Variants in ADGRL3 observed in about 807,000 individuals in gnomAD.
ADGRL3 encodes the protein adhesion G protein-coupled receptor L3.
Under a neutral mutation model 153.5 loss-of-function variants are expected in ADGRL3, and 62 were observed. The observed-to-expected ratio is 0.40, with a 90% CI of 0.33 to 0.50. The LOEUF is 0.50. Among genes scored for constraint, ADGRL3 ranks in the 20% least tolerant of loss-of-function variants. The pLI, the probability that ADGRL3 is intolerant of heterozygous loss-of-function variation, is 0.47. For missense variants in ADGRL3, 1,641 were observed against 1,859.4 expected (o/e 0.88, Z 2.16); for synonymous variants, 710 against 672.5 (o/e 1.06, Z -0.86).
At chr4:61,749,060 G>C (rs1474913905) in intron 8 of ADGRL3, among the ~76,000 whole-genome samples, 3 of 151,702 alleles carry the variant, frequency 2.0e-5, no homozygotes, top group Non-Finnish European at 1.5e-5. Flanking sequence ...GACATGAACA[G>C]ACACTTCTCA....
At chr4:61,325,051 T>C (rs778484460) in intron 1 of ADGRL3, among the ~76,000 whole-genome samples, 13 of 152,172 alleles carry the variant, frequency 8.5e-5, no homozygotes, top group Non-Finnish European at 1.5e-4. Flanking sequence ...CAGTGGCTCA[T>C]GCCTATAATC....
intron 2 of ADGRL3, among the ~76,000 whole-genome samples, chr4:61,493,850 G>C (rs2098282834): frequency 6.6e-6 from 1 of 152,162 alleles, no homozygotes; most frequent in African/African-American, 2.4e-5. Context: ...TTGTGCCATA[G>C]AGGAAAGAGC....
intron 8 of ADGRL3, among the ~76,000 whole-genome samples, chr4:61,813,420 G>T (rs1178676198): frequency 2.6e-5 from 4 of 151,882 alleles, no homozygotes; most frequent in African/African-American, 9.7e-5. Context: ...AAATAAGAAA[G>T]AAATATTTAC....
chr4:61,753,929 G>A (rs2096788313), intron 8 of ADGRL3, among the ~76,000 whole-genome samples: 1 of 152,128 alleles, frequency 6.6e-6, no homozygotes, highest in Non-Finnish European at 1.5e-5. Flanking sequence ...CCAAGCCAAT[G>A]GACTTGCCAT....
intron 8 of ADGRL3, among the ~76,000 whole-genome samples, chr4:61,756,637 C>A (rs2096834949): frequency 6.6e-6 from 1 of 152,134 alleles, no homozygotes; most frequent in South Asian, 2.1e-4. Context: ...ATTGCCCTGG[C>A]CAGAACTTCC....
At chr4:61,385,778 T>G (rs1340210107) in intron 2 of ADGRL3, 1 of 152,212 alleles carries the variant, frequency 6.6e-6, no homozygotes, top group African/African-American at 2.4e-5. Flanking sequence ...CCAAATAAAC[T>G]ATTATATATT....
intron 9 of ADGRL3, among the ~76,000 whole-genome samples, chr4:61,830,242 A>G (rs1453004345): frequency 6.6e-6 from 1 of 152,012 alleles, no homozygotes; most frequent in Non-Finnish European, 1.5e-5. Context: ...TTTCTTTAAA[A>G]TTAGCCTAGC....
intron 9 of ADGRL3, among the ~76,000 whole-genome samples, chr4:61,859,355 C>G (rs1311601306): frequency 1.3e-5 from 2 of 151,950 alleles, no homozygotes; most frequent in African/African-American, 2.4e-5. Context: ...ATTTGCAAAT[C>G]AAGTAATAAT....
chr4:61,586,049 T>A (rs2098945328), intron 4 of ADGRL3, among the ~76,000 whole-genome samples: 1 of 152,008 alleles, frequency 6.6e-6, no homozygotes, highest in African/African-American at 2.4e-5. Flanking sequence ...GTAGTACAAG[T>A]TAAAGATATT....
intron 10 of ADGRL3, among the ~76,000 whole-genome samples, chr4:61,894,901 C>G (rs1029667590): frequency 1.1e-4 from 17 of 152,066 alleles, no homozygotes; most frequent in African/African-American, 4.1e-4. Context: ...TTTCCGGCAC[C>G]CACAAATGAT....
chr4:61,689,833 A>G (rs1404517704), intron 6 of ADGRL3, among the ~76,000 whole-genome samples: 1 of 152,106 alleles, frequency 6.6e-6, no homozygotes, highest in Non-Finnish European at 1.5e-5. Flanking sequence ...TCTCAATATT[A>G]TAAAAGAATA....
rs1447788052 is a variant in ADGRL3 at position 61,823,095 on chromosome 4, C to T, written c.1480+9206C>T. On this transcript the variant is annotated intron_variant, in intron 9 of 26. Transcript: ENST00000683033. ...TCAGGCTCAGTTCTCTCAACTTCAC[C>T]TCTCCCCAAATCCCATGCGGAGATT... Among the ~76,000 whole-genome samples the T allele has an allele frequency of 2.0e-5, 3 of 152,158 alleles. No homozygotes were observed. The East Asian group carries it at 5.8e-4, about 29-fold the overall frequency.
chr4:61,646,218 C>G (rs1048462656), intron 5 of ADGRL3, among the ~76,000 whole-genome samples: 8 of 152,062 alleles, frequency 5.3e-5, no homozygotes, highest in Non-Finnish European at 1.2e-4. Context: ...AACTTCTTTG[C>G]CTTTGGTTTG....
chr4:61,856,996 CTT>C (rs1561368287), intron 9 of ADGRL3, among the ~76,000 whole-genome samples: 4,134 of 125,002 alleles, frequency 0.033, 149 homozygotes, highest in African/African-American at 0.058. Context: ...TTCTTTCTTT[CTT>C]TCTTTCTTTC....
At chr4:61,451,230 A>G (rs942926006) in intron 2 of ADGRL3, among the ~76,000 whole-genome samples, 69 of 152,296 alleles carry the variant, frequency 4.5e-4, no homozygotes, top group African/African-American at 1.6e-3. Context: ...AAGAATTGTT[A>G]CTGTGATAAT....
intron 11 of ADGRL3, among the ~76,000 whole-genome samples, chr4:61,897,459 CA>C (rs2098638248): frequency 6.6e-6 from 1 of 152,134 alleles, no homozygotes; most frequent in South Asian, 2.1e-4. Flanking sequence ...TACTTAACCA[CA>C]ACACTGGTTA....
intron 13 of ADGRL3, among the ~76,000 whole-genome samples, chr4:61,928,199 T>C (rs1243113078): frequency 6.6e-6 from 1 of 152,098 alleles, no homozygotes; most frequent in Non-Finnish European, 1.5e-5. Flanking sequence ...AGCAATTCAT[T>C]AGTATAAATG....
intron 8 of ADGRL3, among the ~76,000 whole-genome samples, chr4:61,733,828 C>A (rs1331440054): frequency 6.6e-6 from 1 of 152,116 alleles, no homozygotes; most frequent in Non-Finnish European, 1.5e-5. Context: ...CAGGTTAGTT[C>A]TTTGTGTAGT....
intron 21 of ADGRL3, 139 bp from the exon 22 acceptor site, chr4:62,028,716 G>A (rs1720282554): frequency 1.8e-6 from 1 of 560,112 alleles, no homozygotes; most frequent in East Asian, 3.1e-5. Flanking sequence ...TTACCTTCTA[G>A]ATATAAAGGA....
Sources: gnomAD v4.1 joint callset for allele counts (sites outside exome capture counted in the v4.1 genomes callset) on GRCh38, gnomAD v4.1.1 for gene constraint, MANE v1.5 for transcripts, NCBI Gene and HGNC (gene_info 2026-07-23, HGNC 2026-07-21) for gene names.